NAV3: variants seen among roughly 807,000 people sequenced by gnomAD.
NAV3 encodes the protein neuron navigator 3.
Under a neutral mutation model 244.7 loss-of-function variants are expected in NAV3, and 87 were observed. The observed-to-expected ratio is 0.36, with a 90% CI of 0.30 to 0.42. The LOEUF (loss-of-function observed/expected upper bound fraction) is 0.42. NAV3 is among the 20% of genes least tolerant of loss of function. The pLI, the probability that NAV3 is intolerant of heterozygous loss-of-function variation, is 1.00. For synonymous variants in NAV3, 1,126 were observed against 1,042.2 expected (o/e 1.08, Z -1.55); for missense variants, 2,663 against 2,893.3 (o/e 0.92, Z 1.83).
At chr12:78,010,357 G>A (rs1369678010) in intron 8 of NAV3, among the ~76,000 whole-genome samples, 1 of 152,136 alleles carries the variant, frequency 6.6e-6, no homozygotes, top group Non-Finnish European at 1.5e-5. Flanking sequence ...CATTTGATGA[G>A]ATAAGACTAA....
intron 1 of NAV3, among the ~76,000 whole-genome samples, chr12:77,911,595 A>G (rs890146010): frequency 2.0e-5 from 3 of 152,104 alleles, no homozygotes; most frequent in African/African-American, 7.2e-5. Context: ...TATTCTGGCA[A>G]TGCTTCTTTA....
chr12:77,834,992 A>G (rs1874374126), intron 1 of NAV3, among the ~76,000 whole-genome samples: 1 of 152,222 alleles, frequency 6.6e-6, no homozygotes, highest in South Asian at 2.1e-4. Flanking sequence ...TAACAATAGC[A>G]TAAAGAAGAT....
chr12:77,747,455 C>G (rs1868607887), intron 2 of NAV3, among the ~76,000 whole-genome samples: 2 of 152,136 alleles, frequency 1.3e-5, no homozygotes, highest in Admixed American at 1.3e-4. Flanking sequence ...CTAGTTCAAC[C>G]ATTGTGGAAG....
intron 3 of NAV3, among the ~76,000 whole-genome samples, chr12:77,961,390 AT>A (rs1210097851): frequency 1.7e-5 from 1 of 57,254 alleles, no homozygotes; most frequent in Non-Finnish European, 5.1e-5. Context: ...ATATAAATAC[AT>A]TATATATTTA....
chr12:77,859,347 C>A (rs1308685670), intron 1 of NAV3, among the ~76,000 whole-genome samples: 1 of 151,994 alleles, frequency 6.6e-6, no homozygotes, highest in Admixed American at 6.6e-5. Flanking sequence ...GTTTCAGAAA[C>A]AATCTAACAC....
At chr12:77,901,000 T>G (rs1263846396) in intron 1 of NAV3, among the ~76,000 whole-genome samples, 1 of 152,194 alleles carries the variant, frequency 6.6e-6, no homozygotes, top group Non-Finnish European at 1.5e-5. Context: ...GGAACATTTT[T>G]TCATGTTTGT....
intron 24 of NAV3, among the ~76,000 whole-genome samples, chr12:78,172,673 G>A (rs1322195149): frequency 6.6e-6 from 1 of 151,528 alleles, no homozygotes; most frequent in Non-Finnish European, 1.5e-5. Flanking sequence ...AGTACTGAGG[G>A]AGGAGTATTT....
chr12:78,060,022 G>A (rs1884100846), intron 12 of NAV3, among the ~76,000 whole-genome samples: 1 of 151,354 alleles, frequency 6.6e-6, no homozygotes, highest in Non-Finnish European at 1.5e-5. Flanking sequence ...GCTGGAAATT[G>A]CTCTGCTGAT....
At chr12:77,586,374 T>C (rs1256789164) in intron 2 of NAV3, among the ~76,000 whole-genome samples, 1 of 152,196 alleles carries the variant, frequency 6.6e-6, no homozygotes, top group Non-Finnish European at 1.5e-5. Context: ...GGTAAGATTC[T>C]TTCCAAAATT....
chr12:77,959,360 G>C (rs1263450), intron 3 of NAV3, among the ~76,000 whole-genome samples: 121,901 of 152,020 alleles, frequency 0.8, 49,164 homozygotes, highest in East Asian at 0.98. Context: ...TGAGTTTACT[G>C]GGATACAGAT....
At chr12:77,949,995 G>A (rs1289192208) in intron 3 of NAV3, among the ~76,000 whole-genome samples, 1 of 151,988 alleles carries the variant, frequency 6.6e-6, no homozygotes, top group African/African-American at 2.4e-5. Context: ...TGGCTTGATG[G>A]CTCATTTCTT....
chr12:78,113,918 A>G (rs781529841), intron 12 of NAV3, among the ~76,000 whole-genome samples: 7 of 152,108 alleles, frequency 4.6e-5, no homozygotes, highest in Non-Finnish European at 1.0e-4. Flanking sequence ...ATCTTTCTGG[A>G]TACATAAAAC....
intron 9 of NAV3, among the ~76,000 whole-genome samples, chr12:78,037,832 CT>C (rs1267914997): frequency 1.7e-4 from 26 of 152,296 alleles, no homozygotes; most frequent in African/African-American, 6.0e-4. Context: ...GTTTCTTCTG[CT>C]GCCTCCGTGC....
intron 1 of NAV3, among the ~76,000 whole-genome samples, chr12:77,847,067 C>A (rs1196672168): frequency 2.6e-5 from 4 of 152,080 alleles, no homozygotes; most frequent in Admixed American, 2.0e-4. Context: ...CCTTCAGAGA[C>A]TACACACAGA....
At chr12:78,143,202 A>G (rs575729380) in intron 20 of NAV3, among the ~76,000 whole-genome samples, 5 of 152,212 alleles carry the variant, frequency 3.3e-5, no homozygotes, top group Non-Finnish European at 7.3e-5. Context: ...GACTATACCT[A>G]TAAAATAAAA....
intron 2 of NAV3, among the ~76,000 whole-genome samples, chr12:77,676,884 G>A (rs1347307759): frequency 6.6e-6 from 1 of 152,126 alleles, no homozygotes; most frequent in Non-Finnish European, 1.5e-5. Context: ...GTTAGGGTAA[G>A]GGTGAGGTGT....
At position 78,116,887 on chromosome 12, in the gene NAV3, T is replaced by G. The variant is rs1390421284; in HGVS notation, c.2752T>G (p.Ser918Ala). The G allele has an allele frequency of 1.2e-6, 2 of 1,611,974 alleles. No homozygotes were observed. The highest frequency in any genetic ancestry group is 2.7e-5 in the African/African-American group (2 of 74,820). ...CTCTTACTCCAACATCACCGTCCCC[T>G]CTAGGAAGAATACTCAGGTGAGAAT... is the stretch of plus-strand genomic sequence containing the variant. ...VSSYSNITVP[S>A]RKNTQLRTDS... Residue 918 changes from serine to alanine, a missense_variant, in exon 13 of 40, where the codon TCT becomes GCT. By Grantham distance (99) the Ser-to-Ala change is moderately conservative. Coordinates refer to ENST00000397909, the MANE Select transcript of NAV3 (RefSeq NM_001024383.2).
chr12:78,118,477 A>G (rs1955522386), intron 14 of NAV3, among the ~76,000 whole-genome samples, 180 bp downstream of exon 14: 1 of 152,210 alleles, frequency 6.6e-6, no homozygotes, highest in African/African-American at 2.4e-5. Flanking sequence ...ATAGAAGCCC[A>G]AGTAGGGCCT....
intron 19 of NAV3, among the ~76,000 whole-genome samples, chr12:78,139,187 T>C (rs1956501352): frequency 1.3e-5 from 2 of 152,154 alleles, no homozygotes; most frequent in Admixed American, 6.5e-5. Flanking sequence ...GGGGTTCTTC[T>C]TTATTCCTCT....
Sources: allele counts gnomAD v4.1 joint callset (sites outside exome capture counted in the v4.1 genomes callset), GRCh38; gene constraint gnomAD v4.1.1; transcripts MANE v1.5; gene names NCBI Gene and HGNC (gene_info 2026-07-23, HGNC 2026-07-21).